The following KCNA6 variants were observed in gnomAD, a reference collection of about 807,000 sequenced individuals.
KCNA6 encodes potassium voltage-gated channel subfamily A member 6.
In KCNA6, 17 loss-of-function variants were observed where a neutral mutation model predicts 29.5. The ratio of observed to expected loss-of-function variants is 0.58; its 90% CI spans 0.39 to 0.86. The LOEUF (loss-of-function observed/expected upper bound fraction) is 0.86. KCNA6 is among the 40% of genes least tolerant of loss of function. The pLI is 0.00. For synonymous variants in KCNA6, 296 were observed against 304.7 expected (o/e 0.97, Z 0.30); for missense variants, 450 against 703.4 (o/e 0.64, Z 4.07).
chr12:4,831,363 C>T, the KCNA6 span, among the ~76,000 whole-genome samples: 1 of 152,168 alleles, frequency 6.6e-6, no homozygotes, highest in South Asian at 2.1e-4. Context: ...CACAAGCAGC[C>T]AGCCAAGTTA....
At chr12:4,820,180 A>G in the KCNA6 span, among the ~76,000 whole-genome samples, 1 of 152,246 alleles carries the variant, frequency 6.6e-6, no homozygotes, top group Non-Finnish European at 1.5e-5. Flanking sequence ...TTCACAGCAG[A>G]ATTTCTTTAA....
chr12:4,846,764 TC>T, the KCNA6 span, among the ~76,000 whole-genome samples: 1 of 99,784 alleles, frequency 1.0e-5, no homozygotes, highest in Non-Finnish European at 2.0e-5. Context: ...CTGGAACACC[TC>T]TTTTTTTTTT....
At chr12:4,849,770 G>A in the KCNA6 span, among the ~76,000 whole-genome samples, 1 of 152,206 alleles carries the variant, frequency 6.6e-6, no homozygotes, top group East Asian at 1.9e-4. Flanking sequence ...TATTGCATGG[G>A]CACAATCATG....
chr12:4,819,561 C>T, the KCNA6 span, among the ~76,000 whole-genome samples: 1 of 152,218 alleles, frequency 6.6e-6, no homozygotes, highest in Non-Finnish European at 1.5e-5. Context: ...AGCCAGCTCC[C>T]CTGCCCTTGT....
chr12:4,843,078 A>G, the KCNA6 span, among the ~76,000 whole-genome samples: 4 of 152,214 alleles, frequency 2.6e-5, no homozygotes, highest in Admixed American at 2.0e-4. Flanking sequence ...CTAGGCATTA[A>G]TAATACAAAA....
the KCNA6 span, among the ~76,000 whole-genome samples, chr12:4,834,910 A>G: frequency 1.3e-5 from 2 of 152,152 alleles, no homozygotes; most frequent in African/African-American, 4.8e-5. Flanking sequence ...ACGGACAGAA[A>G]GGAAAGGTGC....
the KCNA6 span, among the ~76,000 whole-genome samples, chr12:4,844,077 A>AT: frequency 0.069 from 10,503 of 152,084 alleles, 567 homozygotes; most frequent in East Asian, 0.27. This position sits in a 1 kb window ranked among gnomAD's most constrained non-coding sequence, Gnocchi z 4.0. Context: ...ATTGACCTTT[A>AT]TTTTTTCCCA....
At chr12:4,845,485 CGTTACGTGCA>C in the KCNA6 span, among the ~76,000 whole-genome samples, 6 of 152,166 alleles carry the variant, frequency 3.9e-5, no homozygotes, top group African/African-American at 1.4e-4. Flanking sequence ...TCCGCAGTCA[CGTTACGTGCA>C]TTGTTGTGGA....
chr12:4,834,204 G>A, the KCNA6 span, among the ~76,000 whole-genome samples: 1 of 152,040 alleles, frequency 6.6e-6, no homozygotes, highest in East Asian at 1.9e-4. Flanking sequence ...CAAAGTGCTG[G>A]GATTACAGGT....
At chr12:4,845,999 T>TTTTG in the KCNA6 span, among the ~76,000 whole-genome samples, 277 of 151,430 alleles carry the variant, frequency 1.8e-3, 1 homozygote, top group African/African-American at 6.5e-3. Flanking sequence ...TTTTTTTTTT[T>TTTTG]TGGAATATTT....
chr12:4,815,511 C>T (rs76574926), downstream of KCNA6, among the ~76,000 whole-genome samples: 319 of 152,282 alleles, frequency 2.1e-3, 2 homozygotes, highest in African/African-American at 7.5e-3. Flanking sequence ...CCCTGGACCA[C>T]CTCAGGTTCT....
the KCNA6 span, among the ~76,000 whole-genome samples, chr12:4,843,151 G>A: frequency 1.3e-5 from 2 of 151,262 alleles, no homozygotes; most frequent in Admixed American, 1.3e-4. Flanking sequence ...TGGGTGGAGG[G>A]CAAAACAGTG....
At chr12:4,835,414 T>G in the KCNA6 span, among the ~76,000 whole-genome samples, 1 of 152,186 alleles carries the variant, frequency 6.6e-6, no homozygotes, top group South Asian at 2.1e-4. Flanking sequence ...GATTACGGGC[T>G]TGAGCCACCA....
the KCNA6 span, among the ~76,000 whole-genome samples, chr12:4,819,516 A>G: frequency 6.6e-6 from 1 of 152,072 alleles, no homozygotes; most frequent in Admixed American, 6.5e-5. Context: ...TCCTTCTTTG[A>G]GGTGGAGGAG....
At chr12:4,816,385 C>T (rs1946683059), downstream of KCNA6, among the ~76,000 whole-genome samples, 1 of 151,490 alleles carries the variant, frequency 6.6e-6, no homozygotes, top group African/African-American at 2.4e-5. Context: ...ATATGTCATG[C>T]CATTTTTTGG....
chr12:4,840,852 T>A, the KCNA6 span, among the ~76,000 whole-genome samples: 2 of 152,278 alleles, frequency 1.3e-5, no homozygotes, highest in African/African-American at 4.8e-5. Context: ...GTTTTTAAAG[T>A]GCACACAAGG....
chr12:4,844,137 C>T, the KCNA6 span, among the ~76,000 whole-genome samples: 1 of 152,176 alleles, frequency 6.6e-6, no homozygotes, highest in Non-Finnish European at 1.5e-5. This position sits in a 1 kb window ranked among gnomAD's most constrained non-coding sequence, Gnocchi z 4.0. Flanking sequence ...TTTTCTAAAG[C>T]ACCTACTATG....
chr12:4,821,992 C>A, the KCNA6 span, among the ~76,000 whole-genome samples: 1 of 152,120 alleles, frequency 6.6e-6, no homozygotes, highest in Admixed American at 6.6e-5. Flanking sequence ...CACCACCAGG[C>A]CTGACTAATT....
At chr12:4,843,561 G>T in the KCNA6 span, among the ~76,000 whole-genome samples, 722 of 152,224 alleles carry the variant, frequency 4.7e-3, 8 homozygotes, top group African/African-American at 0.017. Flanking sequence ...CCATTCTCAC[G>T]TTGCTATAAG....
Sources: allele counts gnomAD v4.1 joint callset (sites outside exome capture counted in the v4.1 genomes callset), GRCh38; gene constraint gnomAD v4.1.1; non-coding constraint Gnocchi (gnomAD v3.1); transcripts MANE v1.5; gene names NCBI Gene and HGNC (gene_info 2026-07-23, HGNC 2026-07-21).